The following CEP85 variants were observed in gnomAD, a reference collection of about 807,000 sequenced individuals.
CEP85 encodes centrosomal protein 85, also known as centrosomal protein of 85 kDa.
Under a neutral mutation model 93.7 loss-of-function variants are expected in CEP85, and 58 were observed. That is an observed-to-expected ratio of 0.62 (90% CI 0.50 to 0.77). The LOEUF (loss-of-function observed/expected upper bound fraction) is 0.77. CEP85 is among the 30% of genes least tolerant of loss of function. CEP85 has a pLI of 0.00. For missense variants in CEP85, 868 were observed against 922.0 expected, an observed-to-expected ratio of 0.94 and a Z score of 0.76; for synonymous variants, 314 against 338.6, an observed-to-expected ratio of 0.93 and a Z score of 0.80.
chr1:26,272,972 C>A (rs983846878), intron 11 of CEP85, among the ~76,000 whole-genome samples: 9 of 152,022 alleles, frequency 5.9e-5, no homozygotes, highest in African/African-American at 2.2e-4. Context: ...AGGTTTGCAA[C>A]TCAGGCTCAA....
chr1:26,270,933 A>T (rs1410694111), intron 9 of CEP85, 81 bp from the exon 10 acceptor site: 3 of 850,338 alleles, frequency 3.5e-6, no homozygotes, highest in Non-Finnish European at 6.0e-6. Flanking sequence ...TTGCCTCAAA[A>T]TGTGCAATAA....
intron 1 of CEP85, among the ~76,000 whole-genome samples, chr1:26,235,067 C>T (rs1296601340): frequency 6.6e-6 from 1 of 152,220 alleles, no homozygotes; most frequent in Non-Finnish European, 1.5e-5. Context: ...GGAGCTGGTG[C>T]TTTGGTTGAA....
At chr1:26,264,808 G>T (rs957990204) in intron 7 of CEP85, among the ~76,000 whole-genome samples, 272 of 151,764 alleles carry the variant, frequency 1.8e-3, no homozygotes, top group African/African-American at 6.2e-3. Context: ...TCTATACATA[G>T]TTTTTTTTGT....
At chr1:26,272,876 G>A (rs1212430184) in intron 11 of CEP85, among the ~76,000 whole-genome samples, 8 of 152,012 alleles carry the variant, frequency 5.3e-5, no homozygotes, top group Admixed American at 1.3e-4. Context: ...TGATCTGCCC[G>A]CCTCGGCCTC....
Position 26,269,496 on chromosome 1 carries a change from G to A in CEP85, c.1531G>A (p.Glu511Lys). ...TGAGTTGAAGAGCACAGAGCTGCAGGAGAAAGTGACTGAGCTGGAGAGTTT... is the reference window on the plus strand; with the variant it reads ...TGAGTTGAAGAGCACAGAGCTGCAGAAGAAAGTGACTGAGCTGGAGAGTTT... ...DSELKSTELQ[E>K]KVTELESLLE... Residue 511 changes from glutamate (E) to lysine (K), a missense_variant, in exon 9 of 14, where the codon GAG (glutamate) becomes AAG (lysine). Glu to Lys is a moderately conservative substitution (Grantham distance 56). Coordinates refer to ENST00000451429, the MANE Select transcript of CEP85 (RefSeq NM_001319944.2). The A allele has an allele frequency of 6.2e-7, 1 of 1,614,164 alleles. No individual in the cohort carries two copies. Among genetic ancestry groups the A allele is most frequent in the South Asian group, 1.1e-5 (1 of 91,086 alleles).
chr1:26,238,061 A>C (rs2089354740), intron 1 of CEP85, among the ~76,000 whole-genome samples: 2 of 151,314 alleles, frequency 1.3e-5, no homozygotes, highest in Non-Finnish European at 2.9e-5. Flanking sequence ...TTGGGTTGTT[A>C]TGTACTTTAG....
chr1:26,237,548 C>T (rs1229108375), intron 1 of CEP85, among the ~76,000 whole-genome samples: 2 of 152,186 alleles, frequency 1.3e-5, no homozygotes, highest in Admixed American at 6.5e-5. Flanking sequence ...CTGAATAATA[C>T]TCTGTTTTTT....
At chr1:26,273,845 C>T (rs996075884) in intron 11 of CEP85, among the ~76,000 whole-genome samples, 1 of 151,324 alleles carries the variant, frequency 6.6e-6, no homozygotes, top group Non-Finnish European at 1.5e-5. Flanking sequence ...TGCAGTGAGC[C>T]GAGATCACGC....
chr1:26,235,868 G>T (rs1251477104), intron 1 of CEP85, among the ~76,000 whole-genome samples: 1 of 152,088 alleles, frequency 6.6e-6, no homozygotes, highest in Non-Finnish European at 1.5e-5. Context: ...CACCACGCCC[G>T]GCCACACTTA....
At chr1:26,253,098 G>A (rs1049532471) in intron 3 of CEP85, among the ~76,000 whole-genome samples, 4 of 152,020 alleles carry the variant, frequency 2.6e-5, no homozygotes, top group Admixed American at 6.6e-5. Context: ...CTGGTATTCC[G>A]TTGTGTAATA....
intron 3 of CEP85, among the ~76,000 whole-genome samples, chr1:26,253,871 A>G (rs1392754185): frequency 2.0e-5 from 3 of 151,938 alleles, no homozygotes; most frequent in South Asian, 4.2e-4. Context: ...GCGAAACCCC[A>G]TCTCTCCTAA....
At chr1:26,248,119 T>G (rs1256292933) in intron 3 of CEP85, among the ~76,000 whole-genome samples, 1 of 152,136 alleles carries the variant, frequency 6.6e-6, no homozygotes, top group African/African-American at 2.4e-5. Flanking sequence ...CCCCAAGGAG[T>G]TAAGTAACTT....
intron 12 of CEP85, among the ~76,000 whole-genome samples, chr1:26,275,488 C>T (rs1418577770): frequency 1.4e-4 from 21 of 152,228 alleles, no homozygotes; most frequent in African/African-American, 5.1e-4. Flanking sequence ...ACCATGTTGG[C>T]CAGAATGGTC....
intron 11 of CEP85, among the ~76,000 whole-genome samples, chr1:26,272,638 TTTTTTTG>T (rs2089993742): frequency 7.0e-6 from 1 of 142,414 alleles, no homozygotes; most frequent in South Asian, 2.4e-4. Flanking sequence ...TTTTTTTTTT[TTTTTTTG>T]GAGACAGAGT....
At chr1:26,273,420 A>G (rs1306965269) in intron 11 of CEP85, among the ~76,000 whole-genome samples, 1 of 152,204 alleles carries the variant, frequency 6.6e-6, no homozygotes, top group Non-Finnish European at 1.5e-5. Context: ...AAGTCCTGTA[A>G]GGAGGTAGTC....
chr1:26,258,368 AGTGTCCCTGCCCTCAAAGAGGG>A (rs1404526460), intron 6 of CEP85, 108 bp downstream of exon 6: 25 of 737,670 alleles, frequency 3.4e-5, no homozygotes, highest in Admixed American at 6.3e-5. Context: ...AAGTGATGTA[AGTGTCCCTGCCCTCAAAGAGGG>A]CATACTAATT....
intron 2 of CEP85, among the ~76,000 whole-genome samples, chr1:26,243,518 G>A (rs17257169): frequency 0.14 from 21,580 of 152,068 alleles, 1,731 homozygotes; most frequent in Middle Eastern, 0.2. Context: ...TGTAAAATAG[G>A]GGTGGTAATA....
intron 7 of CEP85, among the ~76,000 whole-genome samples, chr1:26,262,522 GA>G (rs2124594717): frequency 6.6e-6 from 1 of 151,962 alleles, no homozygotes; most frequent in South Asian, 2.1e-4. Context: ...GGGGGCGGGG[GA>G]TGTGACTGTT....
chr1:26,241,391 C>T (rs1315256692), intron 2 of CEP85, among the ~76,000 whole-genome samples: 6 of 151,816 alleles, frequency 4.0e-5, no homozygotes, highest in Non-Finnish European at 8.8e-5. Flanking sequence ...TACAGGTGCC[C>T]GCCACCATGC....
Sources: gnomAD v4.1 joint callset for allele counts (sites outside exome capture counted in the v4.1 genomes callset) on GRCh38, gnomAD v4.1.1 for gene constraint, MANE v1.5 for transcripts, NCBI Gene and HGNC (gene_info 2026-07-23, HGNC 2026-07-21) for gene names.